Variants in FAM13A observed in about 807,000 individuals in gnomAD.
FAM13A encodes the protein protein FAM13A.
A neutral mutation model predicts 129.6 loss-of-function variants in FAM13A; 76 were observed. That is an observed-to-expected ratio of 0.59 (90% confidence interval 0.49 to 0.71). FAM13A has a LOEUF of 0.71. Ranked by LOEUF, FAM13A falls within the 30% of genes least tolerant of loss-of-function variation. The pLI is 0.00. For synonymous variants in FAM13A, 443 were observed against 449.9 expected, an observed-to-expected ratio of 0.98 and a Z score of 0.20; for missense variants, 1,108 against 1,249.3, an observed-to-expected ratio of 0.89 and a Z score of 1.70.
intron 4 of FAM13A, among the ~76,000 whole-genome samples, chr4:88,979,294 T>C (rs1761330800): frequency 6.6e-6 from 1 of 152,236 alleles, no homozygotes; most frequent in Non-Finnish European, 1.5e-5. Context: ...AATTTGATGA[T>C]ACGCATACCC....
intron 1 of FAM13A, among the ~76,000 whole-genome samples, chr4:89,053,770 T>C (rs533338373): frequency 2.0e-5 from 3 of 152,260 alleles, no homozygotes; most frequent in East Asian, 3.9e-4. Context: ...GAAATCATAA[T>C]ATCCAGAGTA....
chr4:88,767,650 G>T, intron 12 of FAM13A, 55 bp from the exon 13 acceptor site: 1 of 1,357,936 alleles, frequency 7.4e-7, no homozygotes, highest in Non-Finnish European at 1.0e-6. Flanking sequence ...GTTTTATAAC[G>T]TTTTTCATCC....
At chr4:88,734,003 C>T (rs928625484) in intron 21 of FAM13A, among the ~76,000 whole-genome samples, 8 of 152,064 alleles carry the variant, frequency 5.3e-5, no homozygotes, top group East Asian at 1.9e-4. Flanking sequence ...TTGAAAATCA[C>T]GAGGAAAAAT....
chr4:88,774,856 C>T (rs973498108), intron 11 of FAM13A, among the ~76,000 whole-genome samples: 12 of 152,018 alleles, frequency 7.9e-5, no homozygotes, highest in African/African-American at 2.9e-4. Flanking sequence ...ACTAAGGAGA[C>T]GATGATGTGA....
At chr4:88,980,548 TA>T (rs1761521503) in intron 4 of FAM13A, among the ~76,000 whole-genome samples, 1 of 150,538 alleles carries the variant, frequency 6.6e-6, no homozygotes, top group South Asian at 2.1e-4. Flanking sequence ...ACCCATTCTT[TA>T]ATATTCCAAA....
chr4:88,794,260 A>G (rs1361352396), intron 8 of FAM13A, among the ~76,000 whole-genome samples: 2 of 151,960 alleles, frequency 1.3e-5, no homozygotes, highest in African/African-American at 4.8e-5. Flanking sequence ...GCCAAATTCA[A>G]ACCTAAGCCT....
Position 88,973,373 on chromosome 4 carries a change from G to C in FAM13A, c.605+17600C>G, listed in dbSNP as rs115636538. Among the ~76,000 whole-genome samples, 990 of 151,834 alleles carry C rather than the reference G, an allele frequency of 6.5e-3. 17 individuals are homozygous for C. The highest frequency in any genetic ancestry group is 0.023 in the African/African-American group (946 of 41,392). On this transcript the variant is annotated intron_variant, in intron 4 of 23. Coordinates refer to ENST00000264344, the MANE Select transcript of FAM13A (RefSeq NM_014883.4). ...TTTTTTCTCTTCACTTTTCAGTTTT[G>C]GAGGTTTCTATTGAAATGCCCTCAA...
chr4:88,999,882 T>C (rs563067728), intron 3 of FAM13A, among the ~76,000 whole-genome samples: 1 of 152,334 alleles, frequency 6.6e-6, no homozygotes, highest in East Asian at 1.9e-4. Context: ...CTGATATTCT[T>C]TAACCAAATT....
chr4:88,768,127 C>T, intron 11 of FAM13A, 68 bp from the exon 12 acceptor site: 1 of 823,312 alleles, frequency 1.2e-6, no homozygotes, highest in Non-Finnish European at 2.0e-6. Context: ...ACCCTCCTTT[C>T]TTTAAAATAG....
intron 1 of FAM13A, among the ~76,000 whole-genome samples, chr4:89,050,020 G>A (rs1045045182): frequency 6.6e-6 from 1 of 152,120 alleles, no homozygotes; most frequent in Non-Finnish European, 1.5e-5. Flanking sequence ...AAACTTTATA[G>A]TCTGCTACTG....
chr4:88,813,423 G>C (rs1290744337), intron 7 of FAM13A, among the ~76,000 whole-genome samples: 1 of 152,124 alleles, frequency 6.6e-6, no homozygotes, highest in Admixed American at 6.6e-5. Context: ...GAAATTAGTT[G>C]ATGAGAAAAT....
At chr4:89,018,708 G>C (rs1264521959) in intron 3 of FAM13A, among the ~76,000 whole-genome samples, 3 of 152,242 alleles carry the variant, frequency 2.0e-5, no homozygotes, top group African/African-American at 7.2e-5. Flanking sequence ...TCTTTGAAGG[G>C]AGAGAGTTGC....
At chr4:88,987,857 T>TAAAAAAAAAAAAAAAA (rs1553915560) in intron 4 of FAM13A, among the ~76,000 whole-genome samples, 2 of 62,288 alleles carry the variant, frequency 3.2e-5, no homozygotes, top group African/African-American at 1.3e-4. Flanking sequence ...AAAAAAAAAC[T>TAAAAAAAAAAAAAAAA]TAATCTGAAT....
chr4:88,739,237 T>G (rs1255371702), intron 19 of FAM13A, 112 bp from the exon 20 acceptor site: 3 of 709,154 alleles, frequency 4.2e-6, no homozygotes. Context: ...TGATGCAACT[T>G]AAGTCTTACT....
chr4:88,793,659 A>C (rs930025301), intron 8 of FAM13A, among the ~76,000 whole-genome samples: 1 of 151,968 alleles, frequency 6.6e-6, no homozygotes, highest in Non-Finnish European at 1.5e-5. Flanking sequence ...TTCACATAGA[A>C]AATGAAAGGT....
At chr4:88,906,509 C>T in intron 5 of FAM13A, 47 bp from the exon 6 acceptor site, 1 of 1,304,808 alleles carries the variant, frequency 7.7e-7, no homozygotes, top group South Asian at 1.3e-5. Context: ...AGAACACTTA[C>T]CCTAACCAAA....
intron 6 of FAM13A, among the ~76,000 whole-genome samples, chr4:88,852,489 C>G (rs906531922): frequency 1.4e-4 from 21 of 152,082 alleles, no homozygotes; most frequent in African/African-American, 4.6e-4. Flanking sequence ...TGACCTTTCC[C>G]AATTCTGAAT....
chr4:88,773,887 A>G (rs2149577487), intron 11 of FAM13A, among the ~76,000 whole-genome samples: 1 of 152,286 alleles, frequency 6.6e-6, no homozygotes, highest in East Asian at 1.9e-4. Flanking sequence ...TCCTTTCATA[A>G]GGTATATCAC....
intron 6 of FAM13A, among the ~76,000 whole-genome samples, chr4:88,862,874 G>A (rs1037662996): frequency 1.3e-5 from 2 of 151,278 alleles, no homozygotes; most frequent in African/African-American, 4.9e-5. Context: ...ATCATTCTAC[G>A]TAAATAATAT....
Sources: allele counts gnomAD v4.1 joint callset (sites outside exome capture counted in the v4.1 genomes callset), GRCh38; gene constraint gnomAD v4.1.1; transcripts MANE v1.5; gene names NCBI Gene and HGNC (gene_info 2026-07-23, HGNC 2026-07-21).